The following FHDC1 variants were observed in gnomAD, a reference collection of about 807,000 sequenced individuals.
The protein encoded by FHDC1 is FH2 domain containing 1, also known as FH2 domain-containing protein 1.
In FHDC1, 25 loss-of-function variants were observed where a neutral mutation model predicts 52.6. That is an observed-to-expected ratio of 0.48 (90% CI 0.35 to 0.66). FHDC1 has a LOEUF of 0.66. Among genes scored for constraint, FHDC1 ranks in the 30% least tolerant of loss-of-function variants. FHDC1 has a pLI of 0.01. For synonymous variants in FHDC1, 616 were observed against 581.5 expected, an observed-to-expected ratio of 1.06 and a Z score of -0.85; for missense variants, 1,459 against 1,452.8, an observed-to-expected ratio of 1.00 and a Z score of -0.07.
In FHDC1 at chr4:152,975,496, C is replaced by T; in HGVS notation, c.2205C>T (p.Leu735=). 1.2e-6 allele frequency: 2 copies of T among 1,613,442 alleles called. No homozygotes were observed. Among genetic ancestry groups the T allele is most frequent in the Non-Finnish European group, 8.5e-7 (1 of 1,179,988 alleles). Residue 735 remains leucine (L), a synonymous_variant, in exon 12 of 12, where the codon CTC becomes CTT. Transcript: ENST00000511601. ...TGGGCAGAGATGCCCTGGGGAGTCT[C>T]AGCCCAGCGCTGGAGGATGGCAAGG... is the stretch of plus-strand genomic sequence containing the variant. ...TPMGRDALGS[L]SPALEDGKAA...
the FHDC1 span, among the ~76,000 whole-genome samples, chr4:152,926,429 A>G: frequency 1.3e-5 from 2 of 152,026 alleles, no homozygotes; most frequent in Non-Finnish European, 2.9e-5. Context: ...CATTGCTGAT[A>G]TTTCAAAAGT....
At chr4:152,933,392 CTTCA>C (rs1561198014), upstream of FHDC1, among the ~76,000 whole-genome samples, 3 of 152,166 alleles carry the variant, frequency 2.0e-5, no homozygotes, top group African/African-American at 7.2e-5. Flanking sequence ...TTGCGCCATG[CTTCA>C]TTCAAGCACT....
intron 2 of FHDC1, among the ~76,000 whole-genome samples, chr4:152,944,916 G>T (rs1026936469): frequency 2.6e-5 from 4 of 152,164 alleles, no homozygotes; most frequent in Admixed American, 6.5e-5. Context: ...CCCAACAGAG[G>T]TTCTTTATTG....
chr4:152,918,501 T>C, the FHDC1 span: 1 of 152,268 alleles, frequency 6.6e-6, no homozygotes, highest in East Asian at 1.9e-4. Flanking sequence ...TACTTAGTCT[T>C]GTTTAAAAGC....
chr4:152,955,820 T>C (rs1740067037), intron 4 of FHDC1, among the ~76,000 whole-genome samples: 3 of 152,358 alleles, frequency 2.0e-5, no homozygotes, highest in Middle Eastern at 3.4e-3. Flanking sequence ...TAATATGTTA[T>C]CCTTTTCACA....
chr4:152,953,706 C>G (rs543737842), intron 3 of FHDC1, 146 bp downstream of exon 3: 1 of 712,150 alleles, frequency 1.4e-6, no homozygotes, highest in South Asian at 1.7e-5. Context: ...AAGTGACTGT[C>G]ACTTTCTGCT....
At chr4:152,939,449 A>G (rs1261990531) in intron 1 of FHDC1, among the ~76,000 whole-genome samples, 1 of 152,132 alleles carries the variant, frequency 6.6e-6, no homozygotes, top group African/African-American at 2.4e-5. Flanking sequence ...TAGAACTTCT[A>G]GGGGTGTTTC....
At position 152,975,156 on chromosome 4, in the gene FHDC1, T is replaced by G. The variant is rs767155590; in HGVS notation, c.1865T>G (p.Leu622Arg). ...CCACCCTCAGCACAGGCGCACCAGC[T>G]TGCAGCCGCCCAGCCTGAGAACCAT... is the stretch of plus-strand genomic sequence containing the variant. ...PNPPSAQAHQ[L>R]AAAQPENHAS... is the part of the protein sequence containing the mutation. Residue 622 changes from leucine to arginine, a missense_variant, in exon 12 of 12, where the codon CTT becomes CGT. Leu to Arg is a moderately radical substitution (Grantham distance 102). Transcript: ENST00000511601. 6 of 1,613,068 alleles carry G rather than the reference T, an allele frequency of 3.7e-6. No individual in the cohort carries two copies. Among genetic ancestry groups the G allele is most frequent in the Non-Finnish European group, 5.1e-6 (6 of 1,180,024 alleles).
the FHDC1 span, among the ~76,000 whole-genome samples, chr4:152,914,709 C>T: frequency 4.4e-4 from 67 of 152,286 alleles, no homozygotes; most frequent in African/African-American, 1.5e-3. Flanking sequence ...CTTTCTATGA[C>T]TTAGACTTTC....
chr4:152,928,512 C>T, the FHDC1 span, among the ~76,000 whole-genome samples: 1 of 152,338 alleles, frequency 6.6e-6, no homozygotes, highest in East Asian at 1.9e-4. Context: ...GGAGAATAGG[C>T]ACCGGTCGAC....
chr4:152,949,506 T>C (rs964125770), intron 2 of FHDC1, among the ~76,000 whole-genome samples: 7 of 151,850 alleles, frequency 4.6e-5, no homozygotes, highest in African/African-American at 7.3e-5. Flanking sequence ...TAAAAAGTTA[T>C]GATGGCAATT....
intron 2 of FHDC1, among the ~76,000 whole-genome samples, chr4:152,948,284 T>G (rs2149941257): frequency 6.6e-6 from 1 of 152,328 alleles, no homozygotes; most frequent in South Asian, 2.1e-4. Flanking sequence ...AAAAGTGGTT[T>G]AAAAGTTTCT....
rs138530604 is a variant in FHDC1, at chr4:152,956,391, C to A, written c.663+2072C>A. Among the ~76,000 whole-genome samples the A allele has an allele frequency of 2.3e-4, 35 of 152,274 alleles. No homozygotes were observed. The East Asian group carries it at 6.7e-3, about 29-fold the overall frequency. On this transcript the variant is annotated intron_variant, in intron 4 of 11. Coordinates refer to ENST00000511601, the MANE Select transcript of FHDC1 (RefSeq NM_001371116.1). ...GGGAGGCTGCCAGCTCAGCTTCATG[C>A]AGTGGTGAGGTGGGAAACTGAATAC...
At chr4:152,957,373 A>G (rs1740129179) in intron 4 of FHDC1, among the ~76,000 whole-genome samples, 1 of 152,188 alleles carries the variant, frequency 6.6e-6, no homozygotes, top group Non-Finnish European at 1.5e-5. Context: ...TAATCCTTGC[A>G]GCAATGTTTT....
At chr4:152,923,669 A>G in the FHDC1 span, among the ~76,000 whole-genome samples, 2 of 152,254 alleles carry the variant, frequency 1.3e-5, no homozygotes, top group East Asian at 1.9e-4. Flanking sequence ...AGATACATCA[A>G]TGGAACAGAA....
chr4:152,973,144 A>G (rs1740695152), intron 11 of FHDC1, among the ~76,000 whole-genome samples: 1 of 152,186 alleles, frequency 6.6e-6, no homozygotes, highest in Non-Finnish European at 1.5e-5. Context: ...TCTGGGTTTA[A>G]TGTAGAAGCC....
Position 152,976,465 on chromosome 4 carries a change from C to G in FHDC1, c.3174C>G (p.Pro1058=). The change falls in exon 12 of 12, where the codon CCC becomes CCG. Residue 1058 remains proline, a synonymous_variant. Coordinates refer to ENST00000511601, the MANE Select transcript of FHDC1 (RefSeq NM_001371116.1). ...RTDLPPVAKA[P]GITRTVSQRQ... ...ATCTTCCTCCCGTGGCCAAAGCCCC[C>G]GGCATCACTCGGACAGTGTCGCAGC... The G allele has an allele frequency of 6.2e-7, 1 of 1,613,606 alleles. No individual in the cohort carries two copies. Among genetic ancestry groups the G allele is most frequent in the Non-Finnish European group, 8.5e-7 (1 of 1,180,036 alleles).
chr4:152,917,683 GA>G, the FHDC1 span, among the ~76,000 whole-genome samples: 91,815 of 151,080 alleles, frequency 0.61, 28,156 homozygotes, highest in South Asian at 0.71. Flanking sequence ...AAGTGAGTTA[GA>G]AAAAAAAAAT....
chr4:152,943,971 T>C (rs570777895), intron 2 of FHDC1, among the ~76,000 whole-genome samples: 2 of 152,230 alleles, frequency 1.3e-5, no homozygotes, highest in African/African-American at 4.8e-5. Flanking sequence ...TTTTGTTAAA[T>C]AGCATCATCA....
Sources: allele counts gnomAD v4.1 joint callset (sites outside exome capture counted in the v4.1 genomes callset), GRCh38; gene constraint gnomAD v4.1.1; transcripts MANE v1.5; gene names NCBI Gene and HGNC (gene_info 2026-07-23, HGNC 2026-07-21).